NUBPL: variants seen among roughly 807,000 people sequenced by gnomAD.
NUBPL encodes the protein NUBP iron-sulfur cluster assembly factor, mitochondrial, also known as iron-sulfur cluster transfer protein NUBPL.
NUBPL carries 31 observed loss-of-function variants against 45.7 expected under a neutral mutation model. The observed-to-expected ratio is 0.68, with a 90% CI of 0.51 to 0.92. The LOEUF (loss-of-function observed/expected upper bound fraction) is 0.92, where lower values mean the gene tolerates loss of function less well. Ranked by LOEUF, NUBPL falls within the 40% of genes least tolerant of loss-of-function variation. The pLI, the probability that NUBPL is intolerant of heterozygous loss-of-function variation, is 0.00. For missense variants in NUBPL, 401 were observed against 398.7 expected, an observed-to-expected ratio of 1.01 and a Z score of -0.05; for synonymous variants, 144 against 140.9, an observed-to-expected ratio of 1.02 and a Z score of -0.15.
At chr14:31,606,282 G>A (rs1290551607) in intron 4 of NUBPL, among the ~76,000 whole-genome samples, 1 of 151,606 alleles carries the variant, frequency 6.6e-6, no homozygotes, top group African/African-American at 2.4e-5. Context: ...TGTAGAGCTG[G>A]GGTCTCACTG....
chr14:31,703,242 C>G (rs1189616777), intron 6 of NUBPL: 1 of 152,340 alleles, frequency 6.6e-6, no homozygotes, highest in Non-Finnish European at 1.5e-5. Context: ...ACTTTATAAA[C>G]TGGCATCTCG....
In NUBPL at chr14:31,859,136, A is replaced by T; in HGVS notation, c.916A>T (p.Ile306Phe). The T allele has an allele frequency of 3.7e-6, 6 of 1,613,896 alleles. No individual in the cohort carries two copies. Among genetic ancestry groups the T allele is most frequent in the Non-Finnish European group, 4.2e-6 (5 of 1,179,884 alleles). The part of the protein sequence containing the change: ...ESDEAKAYLR[I>F]AVEVVRRLPS... The stretch of plus-strand genomic sequence containing the variant: ...TTTCCAGGCCAAAGCTTACTTGAGG[A>T]TTGCTGTGGAAGTGGTAAGAAGATT... Residue 306 changes from isoleucine (I) to phenylalanine (F), a missense_variant, in exon 11 of 11, where the codon ATT becomes TTT. By Grantham distance (21) the Ile-to-Phe change is conservative. Transcript: ENST00000281081.
At chr14:31,783,595 G>A (rs1281831008) in intron 6 of NUBPL, among the ~76,000 whole-genome samples, 1 of 146,114 alleles carries the variant, frequency 6.8e-6, no homozygotes, top group Non-Finnish European at 1.5e-5. Context: ...TTGGTTTGCT[G>A]CAACCTCTGC....
chr14:31,565,042 C>T lies in NUBPL; in HGVS notation c.285C>T (p.Asn95=), dbSNP rs373232503. 1.9e-4 allele frequency: 291 copies of T among 1,544,036 alleles called. 1 individual carries two copies. The East Asian group carries it at 2.2e-3, about 12-fold the overall frequency. ...AVNLALALAA[N]DSSKAIGLLD... ...ATCTTGCACTTGCACTAGCAGCGAA[C>T]GATTCGGTAGGTGTTTATTAATAGA... The change falls in exon 3 of 11, where the codon AAC becomes AAT. Residue 95 remains asparagine, a synonymous_variant. Transcript: ENST00000281081.
At chr14:31,814,450 T>A (rs1212759985) in intron 7 of NUBPL, among the ~76,000 whole-genome samples, 4 of 152,190 alleles carry the variant, frequency 2.6e-5, no homozygotes, top group African/African-American at 9.7e-5. Flanking sequence ...GTCAGATGGA[T>A]AGATTGCAAA....
At chr14:31,672,400 C>G (rs1467786107) in intron 4 of NUBPL, among the ~76,000 whole-genome samples, 1 of 151,816 alleles carries the variant, frequency 6.6e-6, no homozygotes, top group East Asian at 1.9e-4. Context: ...TAAAATTGGA[C>G]AAAATTAGTT....
intron 6 of NUBPL, among the ~76,000 whole-genome samples, chr14:31,761,466 C>T (rs1483743435): frequency 1.3e-5 from 2 of 152,108 alleles, no homozygotes; most frequent in Admixed American, 1.3e-4. Context: ...AGAGTGAAGG[C>T]GTCCCACCCC....
chr14:31,616,423 A>G (rs2034901547), intron 4 of NUBPL, among the ~76,000 whole-genome samples: 1 of 151,968 alleles, frequency 6.6e-6, no homozygotes, highest in Non-Finnish European at 1.5e-5. Context: ...TAAGTCTTTA[A>G]TCCATCTTGA....
rs1325932591 is a variant in NUBPL at position 31,859,744 on chromosome 14, G to C, written c.*564G>C. On this transcript the variant is annotated 3_prime_UTR_variant, in exon 11 of 11. Coordinates refer to ENST00000281081, the MANE Select transcript of NUBPL (RefSeq NM_025152.3). ...GTATTTTTAGTAAGACCATGATGAT[G>C]TTGATGATGATTCTGGTAATCATGG... 6.3e-6 allele frequency: 1 copy of C among 158,442 alleles called. No individual in the cohort carries two copies. Among genetic ancestry groups the C allele is most frequent in the Non-Finnish European group, 1.4e-5 (1 of 71,274 alleles). The allele number at this position is 158,442 out of a possible 1,614,324, so 9.8% of individuals were successfully genotyped here.
intron 3 of NUBPL, among the ~76,000 whole-genome samples, chr14:31,573,250 G>C (rs530140920): frequency 1.3e-5 from 2 of 152,288 alleles, no homozygotes; most frequent in South Asian, 4.1e-4. Flanking sequence ...GCAGTCCATT[G>C]TTGACTGAAA....
intron 7 of NUBPL, among the ~76,000 whole-genome samples, chr14:31,811,880 C>T (rs1484502817): frequency 6.6e-6 from 1 of 152,214 alleles, no homozygotes; most frequent in African/African-American, 2.4e-5. Flanking sequence ...TCAGGTCCCT[C>T]AGCTGCAGGT....
At chr14:31,603,088 G>A (rs1378109875) in intron 4 of NUBPL, among the ~76,000 whole-genome samples, 1 of 151,928 alleles carries the variant, frequency 6.6e-6, no homozygotes, top group East Asian at 1.9e-4. Context: ...GAGGTGGGAG[G>A]ACAGCTTGAG....
At chr14:31,621,453 C>T (rs1274595325) in intron 4 of NUBPL, among the ~76,000 whole-genome samples, 4 of 152,134 alleles carry the variant, frequency 2.6e-5, no homozygotes, top group Non-Finnish European at 5.9e-5. Context: ...CTGCCAGTTG[C>T]GAAGACCGTG....
chr14:31,730,411 C>G (rs2038023463), intron 6 of NUBPL, among the ~76,000 whole-genome samples: 1 of 151,730 alleles, frequency 6.6e-6, no homozygotes, highest in Non-Finnish European at 1.5e-5. Context: ...TAATTTGGCT[C>G]TCCCAGAAAC....
rs189892008 is a variant in NUBPL, at chr14:31,602,130, A to G, written c.382+2751A>G. ...TGGAAATCATCATTCTCAGTAAACTATCGCAAGGACAAAAAACCAAACACT... is the reference window on the plus strand; with the variant it reads ...TGGAAATCATCATTCTCAGTAAACTGTCGCAAGGACAAAAAACCAAACACT... On this transcript the variant is annotated intron_variant, in intron 4 of 10. Coordinates refer to ENST00000281081, the MANE Select transcript of NUBPL (RefSeq NM_025152.3). 1.2e-3 allele frequency among the ~76,000 whole-genome samples: 183 copies of G among 152,252 alleles called. 1 individual carries two copies. Among genetic ancestry groups the G allele is most frequent in the African/African-American group, 4.0e-3 (166 of 41,540 alleles).
chr14:31,632,677 A>G (rs904197627), intron 4 of NUBPL, among the ~76,000 whole-genome samples: 4 of 152,362 alleles, frequency 2.6e-5, no homozygotes, highest in African/African-American at 9.6e-5. Flanking sequence ...GAAAGCAAGA[A>G]GAAATAATGT....
intron 7 of NUBPL, chr14:31,800,892 C>G (rs1040022397): frequency 1.3e-5 from 2 of 152,124 alleles, no homozygotes; most frequent in African/African-American, 4.8e-5. Context: ...AGAGTCCTAG[C>G]AGGAAACAGA....
intron 6 of NUBPL, among the ~76,000 whole-genome samples, chr14:31,688,841 G>T (rs956190747): frequency 6.6e-6 from 1 of 151,888 alleles, no homozygotes; most frequent in Non-Finnish European, 1.5e-5. Flanking sequence ...GTAGGCCCCA[G>T]TGTCTGTTGT....
chr14:31,784,432 A>AT (rs1255118307), intron 6 of NUBPL, among the ~76,000 whole-genome samples: 2 of 152,200 alleles, frequency 1.3e-5, no homozygotes, highest in African/African-American at 2.4e-5. Context: ...AGAGGGAAGG[A>AT]ACCTTCCCTG....
Sources: allele counts gnomAD v4.1 joint callset (sites outside exome capture counted in the v4.1 genomes callset), GRCh38; gene constraint gnomAD v4.1.1; transcripts MANE v1.5; gene names NCBI Gene and HGNC (gene_info 2026-07-23, HGNC 2026-07-21).